The following MAP7 variants were observed in gnomAD, a reference collection of about 807,000 sequenced individuals.
MAP7 encodes the protein microtubule associated protein 7.
MAP7 carries 52 observed loss-of-function variants against 94.8 expected under a neutral mutation model. That is an observed-to-expected ratio of 0.55 (90% confidence interval 0.44 to 0.69). The LOEUF (loss-of-function observed/expected upper bound fraction) is 0.69. MAP7 is among the 30% of genes least tolerant of loss of function. The pLI is 0.00. For missense variants in MAP7, 940 were observed against 964.6 expected, an observed-to-expected ratio of 0.97 and a Z score of 0.34; for synonymous variants, 350 against 357.0, an observed-to-expected ratio of 0.98 and a Z score of 0.22.
chr6:136,483,921 TA>T, intron 1 of MAP7, among the ~76,000 whole-genome samples: 1 of 152,222 alleles, frequency 6.6e-6, no homozygotes. Context: ...GTCAGATGCC[TA>T]ATTTAAAACT....
chr6:136,525,978 GT>G (rs5880298), intron 1 of MAP7: 181,608 of 962,968 alleles, frequency 0.19, 3,138 homozygotes, highest in East Asian at 0.37. Context: ...GCTGCTACTT[GT>G]TTTTTTTTTT....
intron 1 of MAP7, among the ~76,000 whole-genome samples, chr6:136,536,220 A>T (rs1238455537): frequency 6.6e-6 from 1 of 152,236 alleles, no homozygotes. Context: ...AGATATTACT[A>T]GCAATCCAGC....
chr6:136,411,135 A>G (rs1787309027), intron 3 of MAP7, among the ~76,000 whole-genome samples: 1 of 152,206 alleles, frequency 6.6e-6, no homozygotes, highest in Non-Finnish European at 1.5e-5. Flanking sequence ...TATGACAAAT[A>G]TTGCAGTTGC....
At chr6:136,547,950 A>G (rs1385235717) in intron 1 of MAP7, among the ~76,000 whole-genome samples, 1 of 152,188 alleles carries the variant, frequency 6.6e-6, no homozygotes, top group African/African-American at 2.4e-5. Flanking sequence ...CCAAAAACTA[A>G]GAGTTATTTA....
chr6:136,424,518 C>T (rs368669477), intron 1 of MAP7, among the ~76,000 whole-genome samples: 22 of 152,158 alleles, frequency 1.4e-4, no homozygotes, highest in Admixed American at 1.1e-3. Flanking sequence ...ACTCTCTTTC[C>T]AACATACTCT....
chr6:136,389,863 T>TA (rs902937652), intron 3 of MAP7, among the ~76,000 whole-genome samples: 48 of 152,204 alleles, frequency 3.2e-4, no homozygotes, highest in African/African-American at 1.1e-3. Flanking sequence ...CTCTTTTTTT[T>TA]ATTATAAAAC....
At chr6:136,520,001 C>G (rs1825923299) in intron 1 of MAP7, among the ~76,000 whole-genome samples, 1 of 151,676 alleles carries the variant, frequency 6.6e-6, no homozygotes. Context: ...GAGTTGGAGA[C>G]CAGCCTAAGC....
At chr6:136,430,717 C>T (rs557277138) in intron 1 of MAP7, among the ~76,000 whole-genome samples, 1 of 152,180 alleles carries the variant, frequency 6.6e-6, no homozygotes, top group Admixed American at 6.5e-5. Flanking sequence ...CGCATTCTCC[C>T]CATGCTGTCC....
At chr6:136,463,269 G>C (rs907274282) in intron 1 of MAP7, among the ~76,000 whole-genome samples, 1 of 152,098 alleles carries the variant, frequency 6.6e-6, no homozygotes, top group African/African-American at 2.4e-5. Flanking sequence ...TGTATTAAAT[G>C]CTTTAAATAC....
At chr6:136,457,856 T>C (rs967469902) in intron 1 of MAP7, among the ~76,000 whole-genome samples, 1 of 152,096 alleles carries the variant, frequency 6.6e-6, no homozygotes, top group African/African-American at 2.4e-5. Flanking sequence ...ATCTCAGTAG[T>C]GAAAAACTAT....
intron 1 of MAP7, among the ~76,000 whole-genome samples, chr6:136,514,313 A>C (rs1434807163): frequency 1.3e-5 from 2 of 151,994 alleles, no homozygotes; most frequent in African/African-American, 4.8e-5. Flanking sequence ...GGCCGGGTGC[A>C]GTGGCTCATG....
chr6:136,394,931 CATAT>C (rs144839767), intron 3 of MAP7, among the ~76,000 whole-genome samples: 292 of 27,484 alleles, frequency 0.011, 5 homozygotes, highest in East Asian at 0.016. Context: ...AATATTCCAT[CATAT>C]ATATATATAT....
At chr6:136,356,880 A>G in intron 15 of MAP7, 86 bp from the exon 16 acceptor site, 2 of 1,050,798 alleles carry the variant, frequency 1.9e-6, no homozygotes, top group Non-Finnish European at 2.9e-6. Flanking sequence ...GCCTTGATTT[A>G]TGTGCTGGTT....
rs1794348501 is a variant in MAP7, at chr6:136,366,454, A to G, written c.877-15T>C. 1 of 1,549,056 alleles carries G rather than the reference A, an allele frequency of 6.5e-7. No individual in the cohort carries two copies. Among genetic ancestry groups the G allele is most frequent in the Non-Finnish European group, 8.9e-7 (1 of 1,121,320 alleles). On this transcript the variant is annotated splice_polypyrimidine_tract_variant and intron_variant, in intron 8 of 17. Coordinates refer to ENST00000354570, the MANE Select transcript of MAP7 (RefSeq NM_003980.6). ...TTTTTATAGCTCTAAGTTCAGAGAA[A>G]CTCAATAGTTAGATTTTTCCACAAG...
At chr6:136,451,689 C>T (rs1198408192) in intron 1 of MAP7, among the ~76,000 whole-genome samples, 1 of 152,152 alleles carries the variant, frequency 6.6e-6, no homozygotes, top group Non-Finnish European at 1.5e-5. Flanking sequence ...AAAGAATTCT[C>T]CATTCTAGAT....
intron 7 of MAP7, among the ~76,000 whole-genome samples, chr6:136,376,139 C>G (rs1776064208): frequency 6.6e-6 from 1 of 152,140 alleles, no homozygotes; most frequent in Admixed American, 6.5e-5. Context: ...CGCTCTATCC[C>G]CCAGGCTGGA....
intron 1 of MAP7, among the ~76,000 whole-genome samples, chr6:136,529,076 G>C (rs1562490730): frequency 6.6e-6 from 1 of 152,058 alleles, no homozygotes; most frequent in South Asian, 2.1e-4. Flanking sequence ...GATATGGTGA[G>C]ACCTTAAATT....
At chr6:136,368,199 T>C (rs1301007838) in intron 8 of MAP7, among the ~76,000 whole-genome samples, 2 of 148,288 alleles carry the variant, frequency 1.3e-5, no homozygotes, top group East Asian at 3.9e-4. Context: ...ACCAGGGAGT[T>C]TTTTTTTTTC....
intron 16 of MAP7, among the ~76,000 whole-genome samples, chr6:136,351,728 T>C (rs1478367759): frequency 6.6e-6 from 1 of 152,236 alleles, no homozygotes; most frequent in Non-Finnish European, 1.5e-5. Flanking sequence ...ATTGATTTAC[T>C]GCCTCTCAGC....
Sources: gnomAD v4.1 joint callset for allele counts (sites outside exome capture counted in the v4.1 genomes callset) on GRCh38, gnomAD v4.1.1 for gene constraint, MANE v1.5 for transcripts, NCBI Gene and HGNC (gene_info 2026-07-23, HGNC 2026-07-21) for gene names.